The following GABRG3 variants were observed in gnomAD, a reference collection of about 807,000 sequenced individuals.
The protein encoded by GABRG3 is gamma-aminobutyric acid type A receptor subunit gamma3.
GABRG3 carries 25 observed loss-of-function variants against 48.8 expected under a neutral mutation model. The ratio of observed to expected loss-of-function variants is 0.51; its 90% CI spans 0.37 to 0.72. The LOEUF (loss-of-function observed/expected upper bound fraction) is 0.72. Ranked by LOEUF, GABRG3 falls within the 30% of genes least tolerant of loss-of-function variation. The pLI, the probability that GABRG3 is intolerant of heterozygous loss-of-function variation, is 0.00. For synonymous variants in GABRG3, 227 were observed against 217.6 expected (o/e 1.04, Z -0.38); for missense variants, 394 against 577.9 (o/e 0.68, Z 3.26).
At chr15:27,271,658 C>T (rs1255862344) in intron 3 of GABRG3, 4 of 455,216 alleles carry the variant, frequency 8.8e-6, no homozygotes, top group East Asian at 7.0e-5. Flanking sequence ...ACTCTTACAG[C>T]CTCCCCTGGG....
In GABRG3 at chr15:27,534,109, G is replaced by C. The variant is rs567311281; in HGVS notation, c.*1228G>C. 6.6e-6 allele frequency: 1 copy of C among 151,288 alleles called. No individual in the cohort carries two copies. The allele number at this position is 151,288 out of a possible 1,614,324, so 9.4% of individuals were successfully genotyped here. On this transcript the variant is annotated 3_prime_UTR_variant, in exon 10 of 10. Transcript: ENST00000615808. ...ACTCCTGACCTCAGGTGATCTGCCC[G>C]CCTCAGCCTCCCAAAGTGCTAGGAT...
At chr15:27,388,373 G>A (rs1422630606) in intron 5 of GABRG3, among the ~76,000 whole-genome samples, 2 of 125,810 alleles carry the variant, frequency 1.6e-5, no homozygotes, top group African/African-American at 3.1e-5. Context: ...AGGAAGAAAG[G>A]AAGGAAGGAA....
rs150730313 is a variant in GABRG3, at chr15:27,473,486, C to G, written c.575-7164C>G. ...ATGATTACCTTTCTGACAGATTTGA[C>G]CAGCCACTGAAATTATAAACGTCTG... On this transcript the variant is annotated intron_variant, in intron 5 of 9. Coordinates refer to ENST00000615808, the MANE Select transcript of GABRG3 (RefSeq NM_033223.5). Among the ~76,000 whole-genome samples, 808 of 152,270 alleles carry G rather than the reference C, an allele frequency of 5.3e-3. 10 individuals are homozygous for G. Among genetic ancestry groups the G allele is most frequent in the African/African-American group, 0.018 (756 of 41,554 alleles).
chr15:27,120,789 G>A (rs1304320260), intron 3 of GABRG3, among the ~76,000 whole-genome samples: 2 of 151,938 alleles, frequency 1.3e-5, no homozygotes, highest in Non-Finnish European at 2.9e-5. Flanking sequence ...TTTTTTGACC[G>A]TGTCTCACAT....
chr15:27,396,143 C>A (rs985584016), intron 5 of GABRG3, among the ~76,000 whole-genome samples: 1 of 152,200 alleles, frequency 6.6e-6, no homozygotes, highest in Non-Finnish European at 1.5e-5. Flanking sequence ...GGATTACAGG[C>A]ATGAGCCAAC....
At chr15:27,115,786 A>G (rs1267987078) in intron 3 of GABRG3, among the ~76,000 whole-genome samples, 1 of 152,174 alleles carries the variant, frequency 6.6e-6, no homozygotes, top group Non-Finnish European at 1.5e-5. Context: ...ACAGAGTAAA[A>G]CTTTCAAAAT....
chr15:27,253,202 G>C (rs1264628060), intron 3 of GABRG3, among the ~76,000 whole-genome samples: 4 of 152,218 alleles, frequency 2.6e-5, no homozygotes, highest in African/African-American at 9.6e-5. Context: ...CACCGCAAAG[G>C]CTGGACGCAT....
chr15:27,225,738 C>CT (rs1325524311), intron 3 of GABRG3, among the ~76,000 whole-genome samples: 1 of 152,102 alleles, frequency 6.6e-6, no homozygotes, highest in Non-Finnish European at 1.5e-5. Flanking sequence ...CAGCTGCCCT[C>CT]TAACAGGTGC....
intron 3 of GABRG3, among the ~76,000 whole-genome samples, chr15:27,186,456 A>T (rs1179379605): frequency 6.6e-6 from 1 of 152,206 alleles, no homozygotes; most frequent in Non-Finnish European, 1.5e-5. Flanking sequence ...TATCATGAAT[A>T]GTGCTGTGAT....
chr15:27,526,774 A>C (rs996594623), intron 7 of GABRG3, among the ~76,000 whole-genome samples: 2 of 152,220 alleles, frequency 1.3e-5, no homozygotes, highest in African/African-American at 2.4e-5. Context: ...ATTCGATGCA[A>C]ATCATTCATT....
At chr15:27,449,953 A>C (rs543773544) in intron 5 of GABRG3, among the ~76,000 whole-genome samples, 10 of 152,224 alleles carry the variant, frequency 6.6e-5, no homozygotes, top group African/African-American at 2.4e-4. Context: ...ATAGGTGTAC[A>C]TATGTCACTC....
At chr15:27,289,411 C>A (rs1236760592) in intron 3 of GABRG3, among the ~76,000 whole-genome samples, 1 of 152,092 alleles carries the variant, frequency 6.6e-6, no homozygotes, top group Non-Finnish European at 1.5e-5. Context: ...ACCTTGTCAT[C>A]TATATTATTC....
chr15:27,209,718 C>T (rs1435312326), intron 3 of GABRG3, among the ~76,000 whole-genome samples: 1 of 152,194 alleles, frequency 6.6e-6, no homozygotes, highest in Non-Finnish European at 1.5e-5. Flanking sequence ...GGGGAATTTG[C>T]TGGTGGCTGG....
intron 3 of GABRG3, among the ~76,000 whole-genome samples, chr15:27,282,426 A>G (rs1193447330): frequency 6.6e-6 from 1 of 152,064 alleles, no homozygotes; most frequent in African/African-American, 2.4e-5. Flanking sequence ...TGTCGTTAAC[A>G]TTGGGTAATT....
intron 5 of GABRG3, among the ~76,000 whole-genome samples, chr15:27,400,960 A>G (rs1595730329): frequency 6.6e-6 from 1 of 152,242 alleles, no homozygotes; most frequent in South Asian, 2.1e-4. Flanking sequence ...CAAGTAGTCC[A>G]TAGACAGAAT....
chr15:27,048,077 G>C (rs1428846202), intron 3 of GABRG3, among the ~76,000 whole-genome samples: 2 of 152,160 alleles, frequency 1.3e-5, no homozygotes, highest in Admixed American at 6.5e-5. Context: ...AGGGAGTCTG[G>C]AGGGGGCTCC....
chr15:27,363,474 C>T (rs1370226835), intron 5 of GABRG3: 1 of 152,088 alleles, frequency 6.6e-6, no homozygotes, highest in African/African-American at 2.4e-5. Context: ...AGAAGCTACT[C>T]AGATTGAGTT....
intron 3 of GABRG3, among the ~76,000 whole-genome samples, chr15:27,262,472 C>T (rs1890796732): frequency 2.0e-5 from 3 of 152,232 alleles, no homozygotes; most frequent in South Asian, 2.1e-4. Context: ...GGACCCAGTT[C>T]TGCAGCGTCA....
chr15:27,509,711 T>C (rs1311306385), intron 6 of GABRG3, among the ~76,000 whole-genome samples: 1 of 152,220 alleles, frequency 6.6e-6, no homozygotes, highest in African/African-American at 2.4e-5. Flanking sequence ...TAATTTCCAT[T>C]GATCTGCTAA....
Sources: gnomAD v4.1 joint callset for allele counts (sites outside exome capture counted in the v4.1 genomes callset) on GRCh38, gnomAD v4.1.1 for gene constraint, MANE v1.5 for transcripts, NCBI Gene and HGNC (gene_info 2026-07-23, HGNC 2026-07-21) for gene names.